Variants in TNIP2 observed in about 807,000 individuals in gnomAD.
TNIP2 encodes the protein TNFAIP3 interacting protein 2.
Under a neutral mutation model 43.7 loss-of-function variants are expected in TNIP2, and 30 were observed. That is an observed-to-expected ratio of 0.69 (90% CI 0.51 to 0.93). The LOEUF (loss-of-function observed/expected upper bound fraction) is 0.93, where lower values mean the gene tolerates loss of function less well. Ranked by LOEUF, TNIP2 falls within the 40% of genes least tolerant of loss-of-function variation. The probability of loss-of-function intolerance (pLI) is 0.00; values close to 1 mark genes in which losing one functional copy is unlikely to be tolerated. For missense variants in TNIP2, 599 were observed against 591.0 expected (o/e 1.01, Z -0.14); for synonymous variants, 260 against 254.6 (o/e 1.02, Z -0.20).
intron 1 of TNIP2, among the ~76,000 whole-genome samples, chr4:2,752,796 CACTT>C (rs2109493590): frequency 6.6e-6 from 1 of 152,316 alleles, no homozygotes; most frequent in African/African-American, 2.4e-5. Context: ...GTAATACCAG[CACTT>C]TGAGAGGCCG....
intron 2 of TNIP2, 95 bp downstream of exon 2, chr4:2,747,560 C>T: frequency 7.4e-7 from 1 of 1,350,762 alleles, no homozygotes; most frequent in Non-Finnish European, 1.0e-6. Flanking sequence ...GAAGTGGGTT[C>T]TGGGGCGCCC....
chr4:2,756,168 C>G lies in TNIP2; in HGVS notation c.122G>C (p.Arg41Pro). Residue 41 changes from arginine (R) to proline (P), a missense_variant, in exon 1 of 6, where the codon CGC becomes CCC. Arg to Pro is a moderately radical substitution (Grantham distance 103). Coordinates refer to ENST00000315423, the MANE Select transcript of TNIP2 (RefSeq NM_024309.4). ...GCGGAGGCGAGCGATGAGGGCGTCGCGGGCAGCGAGCTGGTCCTGCAGGCG... is the reference window on the plus strand; with the variant it reads ...GCGGAGGCGAGCGATGAGGGCGTCGGGGGCAGCGAGCTGGTCCTGCAGGCG... ...LRRLQDQLAA[R>P]DALIARLRAR... 1 of 1,477,838 alleles carries G rather than the reference C, an allele frequency of 6.8e-7. No individual in the cohort carries two copies. Among genetic ancestry groups the G allele is most frequent in the Non-Finnish European group, 8.9e-7 (1 of 1,122,268 alleles). The allele number at this position is 1,477,838 out of a possible 1,614,324, so 91.5% of individuals were successfully genotyped here.
At chr4:2,752,102 T>TAAAAAAA (rs77704885) in intron 1 of TNIP2, among the ~76,000 whole-genome samples, 1 of 103,866 alleles carries the variant, frequency 9.6e-6, no homozygotes, top group East Asian at 2.5e-4. Context: ...AGACTCAGTT[T>TAAAAAAA]AAAAAAAAAA....
rs1404544029 is a variant in TNIP2 at position 2,744,554 on chromosome 4, C to T, written c.907-48G>A. The T allele has an allele frequency of 1.2e-6, 2 of 1,611,804 alleles. No homozygotes were observed. Among genetic ancestry groups the T allele is most frequent in the Non-Finnish European group, 1.7e-6 (2 of 1,178,890 alleles). ...TTTCTGCTCAAGGAAGGAGGAAGCG[C>T]CCCACCAGGCTTCTCCCACCCCCAC... On this transcript the variant is annotated intron_variant, in intron 4 of 5. Transcript: ENST00000315423. The surrounding 1 kb of genome is among the most constrained non-coding windows in gnomAD (Gnocchi z 5.1).
chr4:2,742,230 G>C lies in TNIP2; in HGVS notation c.*27C>G. Reference sequence around the variant, plus strand: ...TGAGGGCAGCTGCACCGGGCCAGGAGGCCGCAAGGGCACGGGTGAGTCTCG... The same window carrying C: ...TGAGGGCAGCTGCACCGGGCCAGGACGCCGCAAGGGCACGGGTGAGTCTCG... On this transcript the variant is annotated 3_prime_UTR_variant, in exon 6 of 6. Coordinates refer to ENST00000315423, the MANE Select transcript of TNIP2 (RefSeq NM_024309.4). 6.9e-7 allele frequency: 1 copy of C among 1,443,380 alleles called. No homozygotes were observed. The allele number at this position is 1,443,380 out of a possible 1,614,324, so 89.4% of individuals were successfully genotyped here. A position where few individuals can be genotyped will look rare whatever the true frequency, so the allele number is the denominator to read the frequency against.
intron 2 of TNIP2, chr4:2,747,348 G>T: frequency 2.9e-6 from 1 of 346,156 alleles, no homozygotes; most frequent in South Asian, 4.6e-5. Flanking sequence ...GCCAGGCTCA[G>T]CTCCTCCTCC....
chr4:2,744,587 A>G lies in TNIP2; in HGVS notation c.907-81T>C. 1 of 1,595,286 alleles carries G rather than the reference A, an allele frequency of 6.3e-7. No homozygotes were observed. Among genetic ancestry groups the G allele is most frequent in the Non-Finnish European group, 8.5e-7 (1 of 1,170,852 alleles). ...GGCTTCTCCCACCCCCACAGTGACC[A>G]CTGCCCACTCAGTGCCACCAAGCCT... On this transcript the variant is annotated intron_variant, in intron 4 of 5. Transcript: ENST00000315423. This position sits in a 1 kb window ranked among gnomAD's most constrained non-coding sequence, Gnocchi z 5.1.
At position 2,744,612 on chromosome 4, in the gene TNIP2, T is replaced by G; in HGVS notation, c.906+85A>C. Reference sequence around the variant, plus strand: ...ACTGCCCACTCAGTGCCACCAAGCCTTCAGCCCAGCCTGTCCCATGATTTC... The same window carrying G: ...ACTGCCCACTCAGTGCCACCAAGCCGTCAGCCCAGCCTGTCCCATGATTTC... On this transcript the variant is annotated intron_variant, in intron 4 of 5. Transcript: ENST00000315423. This position sits in a 1 kb window ranked among gnomAD's most constrained non-coding sequence, Gnocchi z 5.1. The G allele has an allele frequency of 6.3e-7, 1 of 1,587,214 alleles. No individual in the cohort carries two copies. The highest frequency in any genetic ancestry group is 8.6e-7 in the Non-Finnish European group (1 of 1,168,308).
chr4:2,751,294 A>T (rs1273573279), intron 1 of TNIP2, among the ~76,000 whole-genome samples: 1 of 152,208 alleles, frequency 6.6e-6, no homozygotes, highest in African/African-American at 2.4e-5. Flanking sequence ...CAACACACAG[A>T]CTAGTCAGCA....
chr4:2,742,901 C>T (rs1288471219), intron 5 of TNIP2, among the ~76,000 whole-genome samples: 1 of 152,170 alleles, frequency 6.6e-6, no homozygotes, highest in East Asian at 1.9e-4. Flanking sequence ...AAACTGAGTA[C>T]CAACCCTACT....
chr4:2,743,628 G>C (rs1320730364), intron 5 of TNIP2, among the ~76,000 whole-genome samples: 1 of 152,152 alleles, frequency 6.6e-6, no homozygotes, highest in East Asian at 1.9e-4. Context: ...TTCACACCCT[G>C]AAACACGGCT....
chr4:2,755,909 C>T (rs1045018062), intron 1 of TNIP2, 105 bp downstream of exon 1: 35 of 1,373,448 alleles, frequency 2.5e-5, no homozygotes, highest in Admixed American at 1.0e-4. Flanking sequence ...CCCAGTACCC[C>T]CTCAACCCCT....
At position 2,742,526 on chromosome 4, in the gene TNIP2, G is replaced by A; in HGVS notation, c.1027-6C>T. On this transcript the variant is annotated splice_polypyrimidine_tract_variant and splice_region_variant and intron_variant, in intron 5 of 5. Coordinates refer to ENST00000315423, the MANE Select transcript of TNIP2 (RefSeq NM_024309.4). Reference sequence around the variant, plus strand: ...GCGTCTGGCTCTCGAGAATCCTGGAGAAAAGGCAAGGGTGTATATACGTGG... The same window carrying A: ...GCGTCTGGCTCTCGAGAATCCTGGAAAAAAGGCAAGGGTGTATATACGTGG... 1 of 1,574,276 alleles carries A rather than the reference G, an allele frequency of 6.4e-7. No individual in the cohort carries two copies. The highest frequency in any genetic ancestry group is 8.7e-7 in the Non-Finnish European group (1 of 1,155,552).
Position 2,744,529 on chromosome 4 carries a change from T to C in TNIP2, c.907-23A>G, listed in dbSNP as rs1256606159. On this transcript the variant is annotated intron_variant, in intron 4 of 5. Transcript: ENST00000315423. This position sits in a 1 kb window ranked among gnomAD's most constrained non-coding sequence, Gnocchi z 5.1. ...AATCTGAAGAGAGGCGAGACACACA[T>C]TTCTGCTCAAGGAAGGAGGAAGCGC... 2 of 1,614,024 alleles carry C rather than the reference T, an allele frequency of 1.2e-6. No individual in the cohort carries two copies. Among genetic ancestry groups the C allele is most frequent in the East Asian group, 2.2e-5 (1 of 44,874 alleles).
In TNIP2 at chr4:2,741,679, C is replaced by G. The variant is rs764951304; in HGVS notation, c.*578G>C. ...CTCAGAGCAGTCACAGCAGCAAGAA[C>G]GTTTATTATAAAAATAGGTGAATAA... is the stretch of plus-strand genomic sequence containing the variant. On this transcript the variant is annotated 3_prime_UTR_variant, in exon 6 of 6. Coordinates refer to ENST00000315423, the MANE Select transcript of TNIP2 (RefSeq NM_024309.4). 1 of 152,262 alleles carries G rather than the reference C, an allele frequency of 6.6e-6. No homozygotes were observed. The highest frequency in any genetic ancestry group is 6.5e-5 in the Admixed American group (1 of 15,276). The allele number at this position is 152,262 out of a possible 1,614,324, so 9.4% of individuals were successfully genotyped here.
In TNIP2 at chr4:2,744,301, G is replaced by A; in HGVS notation, c.1026+86C>T. 6.4e-7 allele frequency: 1 copy of A among 1,551,374 alleles called. No individual in the cohort carries two copies. The highest frequency in any genetic ancestry group is 8.8e-7 in the Non-Finnish European group (1 of 1,135,592). ...CTCATCACCAGCAAATCAGGGCCTT[G>A]GCAGACACAGAAAGGCTCTAATCTC... On this transcript the variant is annotated intron_variant, in intron 5 of 5. Coordinates refer to ENST00000315423, the MANE Select transcript of TNIP2 (RefSeq NM_024309.4). The surrounding 1 kb of genome is among the most constrained non-coding windows in gnomAD (Gnocchi z 5.1).
intron 1 of TNIP2, 30 bp from the exon 2 acceptor site, chr4:2,747,975 C>T (rs1341750288): frequency 6.2e-7 from 1 of 1,600,460 alleles, no homozygotes; most frequent in Admixed American, 1.7e-5. Flanking sequence ...GCACAGTTTA[C>T]TGAATTAAAA....
intron 1 of TNIP2, among the ~76,000 whole-genome samples, chr4:2,753,673 G>A (rs1422283350): frequency 6.6e-6 from 1 of 152,178 alleles, no homozygotes; most frequent in East Asian, 1.9e-4. Context: ...TGAGGTCCCT[G>A]CATCCTGTCC....
chr4:2,755,306 C>G (rs377178522), intron 1 of TNIP2, among the ~76,000 whole-genome samples: 12 of 151,860 alleles, frequency 7.9e-5, no homozygotes, highest in African/African-American at 2.7e-4. Context: ...ACACAGCATA[C>G]ACACACCCCC....
Sources: allele counts gnomAD v4.1 joint callset (sites outside exome capture counted in the v4.1 genomes callset), GRCh38; gene constraint gnomAD v4.1.1; non-coding constraint Gnocchi (gnomAD v3.1); transcripts MANE v1.5; gene names NCBI Gene and HGNC (gene_info 2026-07-23, HGNC 2026-07-21).